DDX10: variants seen among roughly 807,000 people sequenced by gnomAD.
DDX10 encodes DEAD-box helicase 10.
Under a neutral mutation model 104.3 loss-of-function variants are expected in DDX10, and 74 were observed. The ratio of observed to expected loss-of-function variants is 0.71; its 90% CI spans 0.59 to 0.86. The LOEUF (loss-of-function observed/expected upper bound fraction) is 0.86, where lower values mean the gene tolerates loss of function less well. Among genes scored for constraint, DDX10 ranks in the 40% least tolerant of loss-of-function variants. DDX10 has a pLI of 0.00. For synonymous variants in DDX10, 351 were observed against 353.4 expected, an observed-to-expected ratio of 0.99 and a Z score of 0.08; for missense variants, 952 against 1,040.0, an observed-to-expected ratio of 0.92 and a Z score of 1.16.
At chr11:108,834,723 C>T (rs1219949172) in intron 13 of DDX10, among the ~76,000 whole-genome samples, 1 of 151,502 alleles carries the variant, frequency 6.6e-6, no homozygotes, top group Non-Finnish European at 1.5e-5. Context: ...CTAGCCAGAT[C>T]GAGACCATCC....
intron 17 of DDX10, among the ~76,000 whole-genome samples, chr11:108,926,049 G>A (rs1863904275): frequency 6.6e-6 from 1 of 152,154 alleles, no homozygotes; most frequent in Non-Finnish European, 1.5e-5. Context: ...AGAAGTGGAT[G>A]GGATGTGTTT....
At chr11:108,670,276 G>A (rs189546378) in intron 1 of DDX10, among the ~76,000 whole-genome samples, 1 of 152,126 alleles carries the variant, frequency 6.6e-6, no homozygotes, top group African/African-American at 2.4e-5. Context: ...TGGAGCTTTA[G>A]GGGTTACAGG....
intron 13 of DDX10, among the ~76,000 whole-genome samples, chr11:108,770,949 T>C (rs2094362389): frequency 1.3e-5 from 2 of 151,522 alleles, no homozygotes; most frequent in African/African-American, 4.8e-5. Context: ...GTGGTTGTGC[T>C]AATTTACATT....
intron 13 of DDX10, among the ~76,000 whole-genome samples, chr11:108,800,449 A>AAAAAAG (rs1363947802): frequency 6.6e-6 from 1 of 150,440 alleles, no homozygotes. Flanking sequence ...TTTCAAAAAA[A>AAAAAAG]AAAAAAAAAA....
intron 9 of DDX10, among the ~76,000 whole-genome samples, chr11:108,699,767 G>A (rs11607423): frequency 0.12 from 18,685 of 152,142 alleles, 1,563 homozygotes; most frequent in East Asian, 0.27. Flanking sequence ...CACACCCAAC[G>A]TCAAATTTTA....
chr11:108,671,193 T>TCG (rs890788432), intron 1 of DDX10, among the ~76,000 whole-genome samples: 5 of 152,246 alleles, frequency 3.3e-5, no homozygotes, highest in African/African-American at 1.2e-4. Flanking sequence ...AGGTAGAGTC[T>TCG]CGCTCTGTTG....
At chr11:108,846,205 A>G (rs560477506) in intron 15 of DDX10, among the ~76,000 whole-genome samples, 16 of 152,342 alleles carry the variant, frequency 1.1e-4, no homozygotes, top group Admixed American at 3.3e-4. Context: ...ATGTTGTGCA[A>G]TAATCAAATC....
chr11:108,805,568 A>G (rs910385937), intron 13 of DDX10, among the ~76,000 whole-genome samples: 1 of 152,214 alleles, frequency 6.6e-6, no homozygotes, highest in African/African-American at 2.4e-5. Context: ...GCTTATTTCC[A>G]TTGAACATTT....
chr11:108,720,892 C>CG lies in DDX10; in HGVS notation c.1499+1010dup, dbSNP rs1432252419. On this transcript the variant is annotated intron_variant, in intron 12 of 17. Coordinates refer to ENST00000322536, the MANE Select transcript of DDX10 (RefSeq NM_004398.4). ...ACAGGTGTGAGCCACTGTGCCTGGC[C>CG]GGGTTTTTTTTTTTTTTTTAAACCT... Among the ~76,000 whole-genome samples, 7 of 111,494 alleles carry CG rather than the reference C, an allele frequency of 6.3e-5. No individual in the cohort carries two copies. In the South Asian group the frequency reaches 8.8e-4, roughly 14 times the overall value. The allele number at this position is 111,494 out of a possible 152,430, so 73.1% of individuals were successfully genotyped here. A position where few individuals can be genotyped will look rare whatever the true frequency, so the allele number is the denominator to read the frequency against.
chr11:108,673,502 T>C lies in DDX10; in HGVS notation c.222T>C (p.Phe74=). Residue 74 remains phenylalanine, a synonymous_variant, in exon 2 of 18, where the codon TTT becomes TTC. Coordinates refer to ENST00000322536, the MANE Select transcript of DDX10 (RefSeq NM_004398.4). ...ATGAAATCACAAGATTTTCAGATTT[T>C]CCCTTGTCCAAAAAAACATTGAAAG... is the stretch of plus-strand genomic sequence containing the variant. ...NVNEITRFSD[F]PLSKKTLKGL... is the part of the protein sequence containing the mutation. 1 of 1,598,704 alleles carries C rather than the reference T, an allele frequency of 6.3e-7. No homozygotes were observed. The highest frequency in any genetic ancestry group is 8.6e-7 in the Non-Finnish European group (1 of 1,166,880).
At chr11:108,881,902 T>TA (rs1284284563) in intron 16 of DDX10, among the ~76,000 whole-genome samples, 1 of 152,286 alleles carries the variant, frequency 6.6e-6, no homozygotes, top group African/African-American at 2.4e-5. Context: ...GTAATTTAAT[T>TA]AAAAAAATTT....
chr11:108,795,211 G>A (rs979335352), intron 13 of DDX10, among the ~76,000 whole-genome samples: 6 of 148,658 alleles, frequency 4.0e-5, no homozygotes, highest in Non-Finnish European at 8.9e-5. Context: ...AGGTATTTCT[G>A]CTTCTGTGTT....
chr11:108,761,396 G>A (rs2094350713), intron 13 of DDX10, among the ~76,000 whole-genome samples: 1 of 152,144 alleles, frequency 6.6e-6, no homozygotes, highest in Non-Finnish European at 1.5e-5. Flanking sequence ...TTCGTTTTGT[G>A]TGGCAGTAAC....
chr11:108,819,723 C>T (rs1862300594), intron 13 of DDX10, among the ~76,000 whole-genome samples: 1 of 152,096 alleles, frequency 6.6e-6, no homozygotes, highest in African/African-American at 2.4e-5. Context: ...CTCAGCCTCC[C>T]AAGTAGCTGG....
At chr11:108,912,182 A>G (rs1863689245) in intron 16 of DDX10, among the ~76,000 whole-genome samples, 1 of 152,160 alleles carries the variant, frequency 6.6e-6, no homozygotes, top group African/African-American at 2.4e-5. Context: ...ACTGATTTGT[A>G]GATGGCTTCT....
chr11:108,693,835 C>G (rs767591689), intron 9 of DDX10, among the ~76,000 whole-genome samples: 1 of 152,186 alleles, frequency 6.6e-6, no homozygotes, highest in Non-Finnish European at 1.5e-5. Context: ...TACTTTTCAG[C>G]AAAACTGCTC....
intron 16 of DDX10, among the ~76,000 whole-genome samples, chr11:108,913,658 A>G (rs1363637813): frequency 1.3e-5 from 2 of 152,016 alleles, no homozygotes; most frequent in African/African-American, 4.8e-5. Flanking sequence ...TGCCGTCCCT[A>G]TTTTCCTTTT....
chr11:108,840,746 T>G (rs931452210), intron 14 of DDX10, among the ~76,000 whole-genome samples: 3 of 152,242 alleles, frequency 2.0e-5, no homozygotes, highest in African/African-American at 7.2e-5. Flanking sequence ...TGGTATGTGA[T>G]TCATTGATCC....
intron 13 of DDX10, among the ~76,000 whole-genome samples, chr11:108,757,669 A>C (rs914937413): frequency 4.6e-5 from 7 of 152,044 alleles, no homozygotes; most frequent in African/African-American, 1.7e-4. Context: ...TTCCAGAACC[A>C]CTTGTTGGTT....
Sources: gnomAD v4.1 joint callset for allele counts (sites outside exome capture counted in the v4.1 genomes callset) on GRCh38, gnomAD v4.1.1 for gene constraint, MANE v1.5 for transcripts, NCBI Gene and HGNC (gene_info 2026-07-23, HGNC 2026-07-21) for gene names.